The following MYO5B variants were observed in gnomAD, a reference collection of about 807,000 sequenced individuals.
MYO5B encodes unconventional myosin-Vb.
Under a neutral mutation model 229.3 loss-of-function variants are expected in MYO5B, and 143 were observed. The ratio of observed to expected loss-of-function variants is 0.62; its 90% CI spans 0.54 to 0.72. MYO5B has a LOEUF of 0.72. Among genes scored for constraint, MYO5B ranks in the 30% least tolerant of loss-of-function variants. The probability of loss-of-function intolerance (pLI) is 0.00; values close to 1 mark genes in which losing one functional copy is unlikely to be tolerated. For missense variants in MYO5B, 2,321 were observed against 2,331.0 expected, an observed-to-expected ratio of 1.00 and a Z score of 0.09; for synonymous variants, 918 against 885.2, an observed-to-expected ratio of 1.04 and a Z score of -0.66.
At chr18:49,960,757 A>G (rs1047673566) in intron 12 of MYO5B, among the ~76,000 whole-genome samples, 14 of 152,158 alleles carry the variant, frequency 9.2e-5, no homozygotes, top group Non-Finnish European at 2.1e-4. Context: ...GTACCACCCA[A>G]TGTCTTGACA....
At chr18:50,078,844 T>C (rs535804672) in intron 1 of MYO5B, among the ~76,000 whole-genome samples, 6 of 152,054 alleles carry the variant, frequency 3.9e-5, no homozygotes, top group Non-Finnish European at 8.8e-5. Flanking sequence ...AAAAACCCAA[T>C]GTTCATTAAC....
intron 30 of MYO5B, 50 bp from the exon 31 acceptor site, chr18:49,853,697 A>G: frequency 6.4e-7 from 1 of 1,555,498 alleles, no homozygotes; most frequent in Non-Finnish European, 8.7e-7. Flanking sequence ...CAGGGCCCCC[A>G]TCTGAGGGGA....
chr18:50,178,396 G>A lies in MYO5B; in HGVS notation c.27+16371C>T, dbSNP rs138215200. ...CAGATATTAACCACTGTTTGCCACA[G>A]TGAATAACTACGTAAAAAAATTCTC... On this transcript the variant is annotated intron_variant, in intron 1 of 39. Transcript: ENST00000285039. Among the ~76,000 whole-genome samples the A allele has an allele frequency of 4.2e-3, 645 of 152,316 alleles. 8 individuals carry two copies. Among genetic ancestry groups the A allele is most frequent in the African/African-American group, 0.015 (613 of 41,566 alleles).
chr18:50,055,226 CCCCACCTCA>C, intron 2 of MYO5B, 33 bp downstream of exon 2: 13 of 487,110 alleles, frequency 2.7e-5, no homozygotes, highest in Non-Finnish European at 3.3e-5. Context: ...GAGCTCCCTG[CCCCACCTCA>C]CCCCCGCCCC....
intron 14 of MYO5B, among the ~76,000 whole-genome samples, chr18:49,949,385 GT>G (rs1206145098): frequency 1.3e-5 from 2 of 151,384 alleles, no homozygotes; most frequent in Non-Finnish European, 2.9e-5. Flanking sequence ...AAATGACTCT[GT>G]TAATAACTTG....
intron 1 of MYO5B, among the ~76,000 whole-genome samples, chr18:50,082,282 C>A (rs912266738): frequency 6.6e-6 from 1 of 152,186 alleles, no homozygotes; most frequent in Non-Finnish European, 1.5e-5. Flanking sequence ...ATTCCAGGAT[C>A]CAGGCCTCAG....
chr18:49,941,928 T>C (rs2025318378), intron 14 of MYO5B, among the ~76,000 whole-genome samples: 1 of 128,976 alleles, frequency 7.8e-6, no homozygotes, highest in Non-Finnish European at 1.7e-5. Context: ...CTTCAAACTA[T>C]ACTATAAGGC....
chr18:49,894,611 T>C (rs1428545588), intron 22 of MYO5B, among the ~76,000 whole-genome samples: 1 of 152,208 alleles, frequency 6.6e-6, no homozygotes, highest in Non-Finnish European at 1.5e-5. Context: ...CCAGCCTCTG[T>C]CACGGCTTTC....
At chr18:49,837,275 T>TA (rs1411744244) in intron 37 of MYO5B, among the ~76,000 whole-genome samples, 1 of 152,262 alleles carries the variant, frequency 6.6e-6, no homozygotes, top group African/African-American at 2.4e-5. Flanking sequence ...GTCTTTAACT[T>TA]AGAGTATGTC....
Position 49,954,024 on chromosome 18 carries a change from ATG to A in MYO5B, c.1668+287_1668+288del, listed in dbSNP as rs766610907. ...GACATATATGTGTGTATGTATTTAT[ATG>A]TGTGTGTGTGTGTGTGTGTGTGTGT... On this transcript the variant is annotated intron_variant, in intron 13 of 39. Transcript: ENST00000285039. 0.23 allele frequency among the ~76,000 whole-genome samples: 11,460 copies of A among 50,730 alleles called. 622 individuals are homozygous for A. Among genetic ancestry groups the A allele is most frequent in the Non-Finnish European group, 0.25 (5,175 of 20,970 alleles). The allele number at this position is 50,730 out of a possible 152,430, so 33.3% of individuals were successfully genotyped here.
At chr18:50,125,513 A>C (rs956843756) in intron 1 of MYO5B, among the ~76,000 whole-genome samples, 3 of 152,304 alleles carry the variant, frequency 2.0e-5, no homozygotes, top group Non-Finnish European at 4.4e-5. Context: ...TACAACTTAA[A>C]GTATAATAGT....
intron 1 of MYO5B, among the ~76,000 whole-genome samples, chr18:50,061,569 C>T (rs2030686898): frequency 6.6e-6 from 1 of 152,138 alleles, no homozygotes; most frequent in Non-Finnish European, 1.5e-5. Flanking sequence ...CTCCAAAAAC[C>T]TGAGAGAATT....
intron 15 of MYO5B, 125 bp downstream of exon 15, chr18:49,937,120 G>T: frequency 1.8e-6 from 2 of 1,138,588 alleles, no homozygotes; most frequent in South Asian, 1.3e-5. Context: ...AGAGCTGGAT[G>T]GCTGAGGCTA....
At chr18:49,936,124 C>A in intron 16 of MYO5B, 128 bp downstream of exon 16, 1 of 775,298 alleles carries the variant, frequency 1.3e-6, no homozygotes, top group East Asian at 2.7e-5. Context: ...AGTAAGATGT[C>A]TGGGGAGTGT....
At chr18:50,076,950 T>C (rs2031094068) in intron 1 of MYO5B, among the ~76,000 whole-genome samples, 1 of 150,996 alleles carries the variant, frequency 6.6e-6, no homozygotes, top group Admixed American at 6.6e-5. Context: ...AATCCAATAG[T>C]ATAAAATAAA....
At chr18:49,976,315 A>G (rs1016503575) in intron 9 of MYO5B, among the ~76,000 whole-genome samples, 2 of 152,192 alleles carry the variant, frequency 1.3e-5, no homozygotes, top group Non-Finnish European at 1.5e-5. Context: ...TTTTCCTCCT[A>G]CATATATTTA....
chr18:49,859,925 C>A (rs2024307783), intron 29 of MYO5B, among the ~76,000 whole-genome samples: 1 of 152,218 alleles, frequency 6.6e-6, no homozygotes, highest in Non-Finnish European at 1.5e-5. Context: ...AGACTGCACA[C>A]AGTTCCTTGT....
At chr18:50,137,252 G>A (rs183578423) in intron 1 of MYO5B, among the ~76,000 whole-genome samples, 1 of 152,304 alleles carries the variant, frequency 6.6e-6, no homozygotes, top group East Asian at 1.9e-4. Flanking sequence ...CTACCAAAAG[G>A]GAAAATCTAT....
chr18:49,872,296 C>A, intron 26 of MYO5B, 64 bp from the exon 27 acceptor site: 1 of 1,547,230 alleles, frequency 6.5e-7, no homozygotes, highest in East Asian at 2.2e-5. Context: ...AGAGGTGTTT[C>A]CAACTGTGGT....
Sources: allele counts gnomAD v4.1 joint callset (sites outside exome capture counted in the v4.1 genomes callset), GRCh38; gene constraint gnomAD v4.1.1; transcripts MANE v1.5; gene names NCBI Gene and HGNC (gene_info 2026-07-23, HGNC 2026-07-21).